The following SPRED1 variants were observed in gnomAD, a reference collection of about 807,000 sequenced individuals.
SPRED1 encodes the protein sprouty-related, EVH1 domain-containing protein 1.
SPRED1 carries 18 observed loss-of-function variants against 52.3 expected under a neutral mutation model. The observed-to-expected ratio is 0.34, with a 90% confidence interval of 0.24 to 0.51. SPRED1 has a LOEUF of 0.51. Among genes scored for constraint, SPRED1 ranks in the 20% least tolerant of loss-of-function variants. The pLI is 0.97. For synonymous variants in SPRED1, 155 were observed against 179.7 expected, an observed-to-expected ratio of 0.86 and a Z score of 1.10; for missense variants, 485 against 551.0, an observed-to-expected ratio of 0.88 and a Z score of 1.20.
intron 1 of SPRED1, among the ~76,000 whole-genome samples, chr15:38,284,839 G>A (rs182566770): frequency 3.4e-4 from 47 of 140,008 alleles, no homozygotes; most frequent in Admixed American, 9.9e-4. Flanking sequence ...TGTGCATAAG[G>A]GGTTACTTCA....
chr15:38,299,134 G>A (rs1895100238), intron 1 of SPRED1, among the ~76,000 whole-genome samples: 1 of 152,194 alleles, frequency 6.6e-6, no homozygotes, highest in Non-Finnish European at 1.5e-5. Flanking sequence ...AATTGAGGTA[G>A]TAGTTTTGTA....
chr15:38,349,360 T>C, intron 5 of SPRED1, 62 bp from the exon 6 acceptor site: 3 of 1,257,600 alleles, frequency 2.4e-6, no homozygotes, highest in Non-Finnish European at 3.5e-6. Flanking sequence ...GAACATACAC[T>C]GTACAGTTTC....
chr15:38,275,731 C>G (rs1022535162), intron 1 of SPRED1, among the ~76,000 whole-genome samples: 1 of 152,120 alleles, frequency 6.6e-6, no homozygotes, highest in African/African-American at 2.4e-5. Flanking sequence ...CTCCTGACCT[C>G]GTGATCCACC....
At chr15:38,341,543 G>A (rs977688345) in intron 5 of SPRED1, among the ~76,000 whole-genome samples, 4 of 151,760 alleles carry the variant, frequency 2.6e-5, no homozygotes, top group Admixed American at 2.6e-4. Context: ...ACATACCAGA[G>A]GTAGAATGAA....
chr15:38,318,959 C>A (rs1895545566), intron 2 of SPRED1, among the ~76,000 whole-genome samples: 1 of 151,906 alleles, frequency 6.6e-6, no homozygotes. Flanking sequence ...ACAATAGATG[C>A]CATTTGAAGA....
chr15:38,338,300 T>TTG (rs1260652429), intron 4 of SPRED1, among the ~76,000 whole-genome samples: 1 of 149,154 alleles, frequency 6.7e-6, no homozygotes, highest in African/African-American at 2.4e-5. Flanking sequence ...TTTGTTTTGT[T>TTG]TTGTTTTTTT....
At chr15:38,289,294 A>G (rs776388524) in intron 1 of SPRED1, among the ~76,000 whole-genome samples, 1 of 149,738 alleles carries the variant, frequency 6.7e-6, no homozygotes, top group Non-Finnish European at 1.5e-5. Context: ...CTTTTTCTGT[A>G]TTTCATGGCA....
chr15:38,316,457 A>G (rs1402408503), intron 2 of SPRED1, among the ~76,000 whole-genome samples: 4 of 152,052 alleles, frequency 2.6e-5, no homozygotes, highest in Non-Finnish European at 5.9e-5. Context: ...TTACCTTGCT[A>G]GTAAAGAATT....
chr15:38,277,780 A>T (rs955143297), intron 1 of SPRED1, among the ~76,000 whole-genome samples: 19 of 151,980 alleles, frequency 1.3e-4, no homozygotes, highest in African/African-American at 3.1e-4. Context: ...AGCATCTGTT[A>T]TTTTTTGACT....
At chr15:38,320,269 G>A (rs1004913066) in intron 2 of SPRED1, among the ~76,000 whole-genome samples, 1 of 152,184 alleles carries the variant, frequency 6.6e-6, no homozygotes, top group Admixed American at 6.5e-5. Flanking sequence ...CCTAGTCCAT[G>A]ATCTGTGAAT....
rs1438431114 is a variant in SPRED1 at position 38,339,722 on chromosome 15, G to C, written c.424-15G>C. On this transcript the variant is annotated splice_polypyrimidine_tract_variant and intron_variant, in intron 4 of 6. Coordinates refer to ENST00000299084, the MANE Select transcript of SPRED1 (RefSeq NM_152594.3). ...TTATTCTGGCAACTAATGCATTGAG[G>C]GTTGTTCCCAATAGGCAAATGAAGA... 6.2e-7 allele frequency: 1 copy of C among 1,613,084 alleles called. No homozygotes were observed. Among genetic ancestry groups the C allele is most frequent in the Non-Finnish European group, 8.5e-7 (1 of 1,179,316 alleles).
At chr15:38,347,123 T>A (rs1433634143) in intron 5 of SPRED1, among the ~76,000 whole-genome samples, 1 of 152,160 alleles carries the variant, frequency 6.6e-6, no homozygotes, top group African/African-American at 2.4e-5. Context: ...TACAGACTCT[T>A]CCCTATCCTC....
At chr15:38,319,784 C>T (rs552699835) in intron 2 of SPRED1, among the ~76,000 whole-genome samples, 1 of 152,302 alleles carries the variant, frequency 6.6e-6, no homozygotes, top group South Asian at 2.1e-4. Flanking sequence ...ACCTTAGTCA[C>T]ATTTTTGGTT....
rs2141018805 is a variant in SPRED1, at chr15:38,354,679, T to C, written c.*3015T>C. 1 of 152,304 alleles carries C rather than the reference T, an allele frequency of 6.6e-6. No homozygotes were observed. The highest frequency in any genetic ancestry group is 1.5e-5 in the Non-Finnish European group (1 of 68,012). The allele number at this position is 152,304 out of a possible 1,614,324, so 9.4% of individuals were successfully genotyped here. Reference sequence around the variant, plus strand: ...TTGTAAAATGGTTATTTACCTAATGTGTCTTGTTGGCTTGCTGAAAGATTT... The same window carrying C: ...TTGTAAAATGGTTATTTACCTAATGCGTCTTGTTGGCTTGCTGAAAGATTT... On this transcript the variant is annotated 3_prime_UTR_variant, in exon 7 of 7. Transcript: ENST00000299084.
intron 1 of SPRED1, among the ~76,000 whole-genome samples, chr15:38,263,654 A>G (rs896279400): frequency 9.2e-5 from 14 of 152,172 alleles, no homozygotes; most frequent in Admixed American, 7.2e-4. Context: ...TATAACCGTT[A>G]GGATGTCATT....
rs903705568 is a variant in SPRED1, at chr15:38,345,635, C to T, written c.583-3787C>T. 2.0e-5 allele frequency among the ~76,000 whole-genome samples: 3 copies of T among 152,170 alleles called. No individual in the cohort carries two copies. The South Asian group carries it at 6.2e-4, about 32-fold the overall frequency. ...TTTGTGTTGGTTTCCCTTGCTCCTC[C>T]AAATCCCATGGGAATGATGCTCAGG... On this transcript the variant is annotated intron_variant, in intron 5 of 6. Coordinates refer to ENST00000299084, the MANE Select transcript of SPRED1 (RefSeq NM_152594.3).
chr15:38,290,325 G>A (rs373152248), intron 1 of SPRED1, among the ~76,000 whole-genome samples: 3 of 152,160 alleles, frequency 2.0e-5, no homozygotes, highest in African/African-American at 4.8e-5. Flanking sequence ...GGGGACATTC[G>A]AAGTAGTTAT....
chr15:38,344,446 G>A (rs796083908), intron 5 of SPRED1, among the ~76,000 whole-genome samples: 5 of 152,080 alleles, frequency 3.3e-5, no homozygotes, highest in African/African-American at 4.8e-5. Context: ...TAGTGATGGC[G>A]GTTATGATGG....
chr15:38,274,863 A>G (rs1170667090), intron 1 of SPRED1, among the ~76,000 whole-genome samples: 1 of 152,200 alleles, frequency 6.6e-6, no homozygotes, highest in Non-Finnish European at 1.5e-5. Context: ...CTATAGAGTG[A>G]TGGTATCCTT....
Sources: allele counts gnomAD v4.1 joint callset (sites outside exome capture counted in the v4.1 genomes callset), GRCh38; gene constraint gnomAD v4.1.1; transcripts MANE v1.5; gene names NCBI Gene and HGNC (gene_info 2026-07-23, HGNC 2026-07-21).